The following BABAM2 variants were observed in gnomAD, a reference collection of about 807,000 sequenced individuals.
BABAM2 encodes the protein BRISC and BRCA1 A complex member 2, also known as BRISC and BRCA1-A complex member 2.
Under a neutral mutation model 54.7 loss-of-function variants are expected in BABAM2, and 31 were observed. The observed-to-expected ratio is 0.57, with a 90% CI of 0.43 to 0.77. BABAM2 has a LOEUF of 0.77. BABAM2 is among the 30% of genes least tolerant of loss of function. BABAM2 has a pLI of 0.00. For missense variants in BABAM2, 364 were observed against 455.8 expected, an observed-to-expected ratio of 0.80 and a Z score of 1.83; for synonymous variants, 167 against 162.9, an observed-to-expected ratio of 1.03 and a Z score of -0.19.
chr2:28,300,084 A>C (rs1025320280), intron 11 of BABAM2, among the ~76,000 whole-genome samples: 2 of 152,130 alleles, frequency 1.3e-5, no homozygotes, highest in Admixed American at 1.3e-4. Context: ...GACTATCGGC[A>C]TGTGCCACCA....
At chr2:28,014,538 G>A (rs1214547450) in intron 4 of BABAM2, among the ~76,000 whole-genome samples, 2 of 151,824 alleles carry the variant, frequency 1.3e-5, no homozygotes, top group African/African-American at 2.4e-5. Context: ...TCCCAGAAGT[G>A]GCCATTTATT....
At chr2:28,272,906 C>T (rs1685546393) in intron 10 of BABAM2, among the ~76,000 whole-genome samples, 1 of 152,062 alleles carries the variant, frequency 6.6e-6, no homozygotes, top group Non-Finnish European at 1.5e-5. Flanking sequence ...TGGAGGGATA[C>T]AGGTTTGGGA....
rs184021408 is a variant in BABAM2, at chr2:28,289,794, A to G, written c.935-8544A>G. On this transcript the variant is annotated intron_variant, in intron 10 of 11. Coordinates refer to ENST00000379624, the MANE Select transcript of BABAM2 (RefSeq NM_199191.3). ...TGACAGAGAGACTCTGTCTCAAAAA[A>G]GAAAAAAAGAAAGGAAAGGAAAGGA... Among the ~76,000 whole-genome samples the G allele has an allele frequency of 5.9e-5, 9 of 152,306 alleles. 1 individual carries two copies. In the East Asian group the frequency reaches 1.7e-3, roughly 29 times the overall value.
chr2:28,250,132 T>C (rs888265903), intron 10 of BABAM2, among the ~76,000 whole-genome samples: 7 of 151,898 alleles, frequency 4.6e-5, no homozygotes, highest in African/African-American at 1.7e-4. Flanking sequence ...TATGCTTCTA[T>C]AGGGAAGACC....
At chr2:28,138,346 T>C (rs1670726768) in intron 7 of BABAM2, among the ~76,000 whole-genome samples, 1 of 152,124 alleles carries the variant, frequency 6.6e-6, no homozygotes, top group Admixed American at 6.5e-5. Context: ...ACACCAGAGA[T>C]TAACAGTAAC....
intron 3 of BABAM2, among the ~76,000 whole-genome samples, chr2:27,932,558 A>G (rs1233386317): frequency 1.3e-5 from 2 of 152,184 alleles, no homozygotes; most frequent in African/African-American, 2.4e-5. Context: ...TGGATGAATG[A>G]TGGGCCAGAT....
intron 10 of BABAM2, among the ~76,000 whole-genome samples, chr2:28,271,798 T>G (rs1022431555): frequency 3.3e-5 from 5 of 152,250 alleles, no homozygotes; most frequent in African/African-American, 7.2e-5. Context: ...TTCTCAAGTT[T>G]CAGTTTCATT....
chr2:28,063,653 G>A (rs1446756981), intron 6 of BABAM2, among the ~76,000 whole-genome samples: 1 of 152,200 alleles, frequency 6.6e-6, no homozygotes, highest in African/African-American at 2.4e-5. Flanking sequence ...GAGAGAAAGA[G>A]TACTGTCAGT....
At chr2:28,029,111 T>C (rs1440232542) in intron 5 of BABAM2, among the ~76,000 whole-genome samples, 2 of 152,200 alleles carry the variant, frequency 1.3e-5, no homozygotes, top group Non-Finnish European at 2.9e-5. Context: ...GTTTTACACA[T>C]GATTAATGCC....
chr2:28,293,544 C>T (rs774891239), intron 10 of BABAM2, among the ~76,000 whole-genome samples: 5 of 152,214 alleles, frequency 3.3e-5, no homozygotes, highest in Non-Finnish European at 7.3e-5. Flanking sequence ...CTGCAACCCG[C>T]GGAACCCATC....
At chr2:28,233,418 G>A in intron 7 of BABAM2, 1 of 374,880 alleles carries the variant, frequency 2.7e-6, no homozygotes. Context: ...TAAAGAATTA[G>A]AGATCACAAG....
At chr2:28,072,448 C>CG (rs1558309626) in intron 6 of BABAM2, among the ~76,000 whole-genome samples, 1 of 151,758 alleles carries the variant, frequency 6.6e-6, no homozygotes, top group East Asian at 1.9e-4. Context: ...TGCAGTGGCA[C>CG]GATCTTGGCT....
At chr2:28,015,912 C>G in intron 4 of BABAM2, 1 of 585,596 alleles carries the variant, frequency 1.7e-6, no homozygotes, top group Non-Finnish European at 3.1e-6. Context: ...CTGACAAGGA[C>G]TCAGATGATA....
chr2:27,947,994 T>G (rs2148399854), intron 3 of BABAM2, among the ~76,000 whole-genome samples: 1 of 152,284 alleles, frequency 6.6e-6, no homozygotes, highest in East Asian at 1.9e-4. Flanking sequence ...TGCTGTAGTT[T>G]GATAGTAAGT....
intron 2 of BABAM2, among the ~76,000 whole-genome samples, chr2:27,923,016 T>C (rs1323422922): frequency 6.6e-6 from 1 of 152,192 alleles, no homozygotes; most frequent in Non-Finnish European, 1.5e-5. Context: ...CCCTGCTTTA[T>C]TAGTTATCTG....
intron 2 of BABAM2, among the ~76,000 whole-genome samples, chr2:27,926,523 T>A (rs1023925083): frequency 2.6e-5 from 4 of 152,202 alleles, no homozygotes; most frequent in African/African-American, 4.8e-5. Context: ...GAGGTCCTCT[T>A]TGATCTTCCA....
intron 3 of BABAM2, among the ~76,000 whole-genome samples, chr2:27,977,853 G>A (rs932667440): frequency 6.6e-6 from 1 of 152,130 alleles, no homozygotes; most frequent in Admixed American, 6.5e-5. Context: ...TGAAAGATAG[G>A]TCACGAGAAC....
chr2:28,093,385 C>T (rs1666327592), intron 6 of BABAM2, among the ~76,000 whole-genome samples: 1 of 152,248 alleles, frequency 6.6e-6, no homozygotes, highest in East Asian at 1.9e-4. Context: ...GGGATCTGAA[C>T]TTGTGTCTTT....
intron 7 of BABAM2, among the ~76,000 whole-genome samples, chr2:28,199,701 TG>T (rs1316304529): frequency 6.6e-6 from 1 of 152,082 alleles, no homozygotes; most frequent in Non-Finnish European, 1.5e-5. Flanking sequence ...AACGAACTTC[TG>T]TGGTGGTCCA....
Sources: allele counts gnomAD v4.1 joint callset (sites outside exome capture counted in the v4.1 genomes callset), GRCh38; gene constraint gnomAD v4.1.1; transcripts MANE v1.5; gene names NCBI Gene and HGNC (gene_info 2026-07-23, HGNC 2026-07-21).